Variants in TAF1B observed in about 807,000 individuals in gnomAD.
TAF1B encodes TATA-box binding protein associated factor, RNA polymerase I subunit B.
TAF1B carries 61 observed loss-of-function variants against 83.9 expected under a neutral mutation model. The observed-to-expected ratio is 0.73, with a 90% CI of 0.59 to 0.90. TAF1B has a LOEUF of 0.90. Among genes scored for constraint, TAF1B ranks in the 40% least tolerant of loss-of-function variants. The probability of loss-of-function intolerance (pLI) is 0.00; values close to 1 mark genes in which losing one functional copy is unlikely to be tolerated. For missense variants in TAF1B, 625 were observed against 677.0 expected, an observed-to-expected ratio of 0.92 and a Z score of 0.85; for synonymous variants, 221 against 224.6, an observed-to-expected ratio of 0.98 and a Z score of 0.14.
intron 3 of TAF1B, among the ~76,000 whole-genome samples, chr2:9,850,199 A>G (rs1338326297): frequency 2.0e-5 from 3 of 152,090 alleles, no homozygotes; most frequent in African/African-American, 7.2e-5. Context: ...TTGGAGTAAA[A>G]CCTGATTAAT....
At chr2:9,910,952 G>A (rs749957155) in intron 10 of TAF1B, 39 bp downstream of exon 10, 3 of 1,539,170 alleles carry the variant, frequency 1.9e-6, no homozygotes, top group Non-Finnish European at 8.8e-7. Flanking sequence ...AACATTTTAT[G>A]GTGCTGATCT....
intron 7 of TAF1B, among the ~76,000 whole-genome samples, chr2:9,881,926 T>C (rs1664519786): frequency 2.0e-5 from 3 of 152,098 alleles, no homozygotes; most frequent in Admixed American, 1.3e-4. Context: ...ATTATAGGTA[T>C]TGGAGACAGA....
intron 8 of TAF1B, among the ~76,000 whole-genome samples, chr2:9,900,708 C>T (rs1415217390): frequency 6.6e-6 from 1 of 151,904 alleles, no homozygotes; most frequent in East Asian, 1.9e-4. Flanking sequence ...AGTAAACAGT[C>T]TGTGGAATGG....
chr2:9,933,382 G>A (rs1666276746), intron 14 of TAF1B, among the ~76,000 whole-genome samples: 1 of 152,298 alleles, frequency 6.6e-6, no homozygotes, highest in South Asian at 2.1e-4. Flanking sequence ...ATAAAGTCTA[G>A]TGTCTTATTT....
At chr2:9,933,202 A>G (rs1666270553) in intron 14 of TAF1B, among the ~76,000 whole-genome samples, 1 of 152,172 alleles carries the variant, frequency 6.6e-6, no homozygotes. Flanking sequence ...TGAACCAGGT[A>G]CCTCAGCTGG....
At position 9,919,645 on chromosome 2, in the gene TAF1B, A is replaced by G. The variant is rs541855354; in HGVS notation, c.1390A>G (p.Thr464Ala). The G allele has an allele frequency of 1.5e-5, 24 of 1,614,016 alleles. No homozygotes were observed. Among genetic ancestry groups the G allele is most frequent in the Non-Finnish European group, 1.9e-5 (22 of 1,180,038 alleles). ...ACAATTTAGCACACTGGTCGAGTCA[A>G]CAGCAACTGCTGGAAAAAAAAGCCC... Reference protein sequence around the residue: ...QKQFSTLVESTATAGKKSPSS... With the variant: ...QKQFSTLVESAATAGKKSPSS... The change falls in exon 14 of 15, where the codon ACA (threonine) becomes GCA (alanine). Residue 464 changes from threonine to alanine, a missense_variant. Coordinates refer to ENST00000263663, the MANE Select transcript of TAF1B (RefSeq NM_005680.3).
intron 6 of TAF1B, among the ~76,000 whole-genome samples, chr2:9,871,068 T>A (rs1664152287): frequency 6.6e-6 from 1 of 152,002 alleles, no homozygotes; most frequent in African/African-American, 2.4e-5. Flanking sequence ...GACTTTAGGA[T>A]CTCTCCTTTT....
intron 9 of TAF1B, among the ~76,000 whole-genome samples, chr2:9,906,310 A>G (rs1665341615): frequency 6.6e-6 from 1 of 152,220 alleles, no homozygotes. Flanking sequence ...TCCTGTGCGT[A>G]AGGAGTAGAA....
chr2:9,932,913 G>A (rs1017454807), intron 14 of TAF1B, among the ~76,000 whole-genome samples: 12 of 152,214 alleles, frequency 7.9e-5, no homozygotes, highest in African/African-American at 1.2e-4. Flanking sequence ...CTGCTGCCTC[G>A]CAGGTCAATC....
At chr2:9,925,951 T>G (rs540415005) in intron 14 of TAF1B, among the ~76,000 whole-genome samples, 2 of 152,334 alleles carry the variant, frequency 1.3e-5, no homozygotes, top group Admixed American at 6.5e-5. Flanking sequence ...TCATAATATC[T>G]CAATGTCTAT....
intron 5 of TAF1B, among the ~76,000 whole-genome samples, chr2:9,860,314 A>G (rs1663710055): frequency 6.6e-6 from 1 of 152,228 alleles, no homozygotes; most frequent in Non-Finnish European, 1.5e-5. Context: ...GGAGACATAA[A>G]TTTCGAAGCT....
At chr2:9,886,847 G>A (rs768149240) in intron 8 of TAF1B, among the ~76,000 whole-genome samples, 8 of 152,088 alleles carry the variant, frequency 5.3e-5, no homozygotes, top group Non-Finnish European at 1.0e-4. Context: ...CAGGCGGATC[G>A]CGAGGTCAGG....
chr2:9,908,615 A>T (rs916796845), intron 9 of TAF1B, among the ~76,000 whole-genome samples: 1 of 152,346 alleles, frequency 6.6e-6, no homozygotes, highest in South Asian at 2.1e-4. Flanking sequence ...TACCTAGTAG[A>T]CACTCAGTAA....
chr2:9,859,399 T>C (rs1663677095), intron 5 of TAF1B, among the ~76,000 whole-genome samples: 1 of 151,786 alleles, frequency 6.6e-6, no homozygotes, highest in South Asian at 2.1e-4. Flanking sequence ...TTTTTTTTTT[T>C]TTTTTGAGAT....
intron 6 of TAF1B, among the ~76,000 whole-genome samples, chr2:9,870,432 C>A (rs542183725): frequency 6.6e-6 from 1 of 152,076 alleles, no homozygotes; most frequent in African/African-American, 2.4e-5. Context: ...GGCTGTAGTG[C>A]GCTGTGATCA....
At chr2:9,901,462 G>C (rs1245185986) in intron 8 of TAF1B, among the ~76,000 whole-genome samples, 2 of 152,130 alleles carry the variant, frequency 1.3e-5, no homozygotes, top group Non-Finnish European at 2.9e-5. Context: ...GTTTTGAAAA[G>C]ATGCTAAATC....
chr2:9,927,687 T>C (rs1280236313), intron 14 of TAF1B, among the ~76,000 whole-genome samples: 1 of 152,258 alleles, frequency 6.6e-6, no homozygotes, highest in Non-Finnish European at 1.5e-5. Context: ...AAGTGTCTGT[T>C]CATATCCTTT....
At chr2:9,851,271 A>G (rs1663381671) in intron 3 of TAF1B, among the ~76,000 whole-genome samples, 1 of 152,166 alleles carries the variant, frequency 6.6e-6, no homozygotes, top group Non-Finnish European at 1.5e-5. Context: ...AATACAGATA[A>G]TGGAAAACAT....
At position 9,843,547 on chromosome 2, in the gene TAF1B, C is replaced by T; in HGVS notation, c.6C>T (p.Asp2=). 6.5e-7 allele frequency: 1 copy of T among 1,527,658 alleles called. No homozygotes were observed. Among genetic ancestry groups the T allele is most frequent in the Non-Finnish European group, 8.8e-7 (1 of 1,135,284 alleles). The allele number at this position is 1,527,658 out of a possible 1,614,324, so 94.6% of individuals were successfully genotyped here. M[D]LEEAEEFKER... is the part of the protein sequence containing the mutation. ...GAAGCTCCCGCGGCGCCGCGATGGACCTCGAGGAGGCGGTAAGGAGGCGGT... is the reference window on the plus strand; with the variant it reads ...GAAGCTCCCGCGGCGCCGCGATGGATCTCGAGGAGGCGGTAAGGAGGCGGT... The change falls in exon 1 of 15, where the codon GAC becomes GAT. Residue 2 remains aspartate, a synonymous_variant. Coordinates refer to ENST00000263663, the MANE Select transcript of TAF1B (RefSeq NM_005680.3).
Sources: gnomAD v4.1 joint callset for allele counts (sites outside exome capture counted in the v4.1 genomes callset) on GRCh38, gnomAD v4.1.1 for gene constraint, MANE v1.5 for transcripts, NCBI Gene and HGNC (gene_info 2026-07-23, HGNC 2026-07-21) for gene names.